The following BZW2 variants were observed in gnomAD, a reference collection of about 807,000 sequenced individuals.
BZW2 encodes basic leucine zipper and W2 domains 2.
A neutral mutation model predicts 53.2 loss-of-function variants in BZW2; 23 were observed. The ratio of observed to expected loss-of-function variants is 0.43; its 90% CI spans 0.31 to 0.61. BZW2 has a LOEUF of 0.61. Ranked by LOEUF, BZW2 falls within the 20% of genes least tolerant of loss-of-function variation. The pLI is 0.09. For synonymous variants in BZW2, 227 were observed against 186.4 expected (o/e 1.22, Z -1.77); for missense variants, 409 against 503.1 (o/e 0.81, Z 1.79).
intron 10 of BZW2, among the ~76,000 whole-genome samples, chr7:16,701,277 T>C (rs1414317167): frequency 1.3e-5 from 2 of 152,184 alleles, no homozygotes; most frequent in Non-Finnish European, 2.9e-5. Context: ...TCTTCTTTTT[T>C]CCCTGAAGAT....
chr7:16,680,373 C>T (rs1236496507), intron 3 of BZW2, among the ~76,000 whole-genome samples: 1 of 152,094 alleles, frequency 6.6e-6, no homozygotes, highest in African/African-American at 2.4e-5. Context: ...TTCTTTGCTT[C>T]CATGATTAAG....
At chr7:16,668,433 T>C (rs1411902782) in intron 2 of BZW2, among the ~76,000 whole-genome samples, 1 of 152,144 alleles carries the variant, frequency 6.6e-6, no homozygotes, top group Non-Finnish European at 1.5e-5. Context: ...ATAACTCATA[T>C]CTCTTGGGGA....
intron 3 of BZW2, among the ~76,000 whole-genome samples, chr7:16,676,468 A>C (rs1481730072): frequency 6.6e-6 from 1 of 152,152 alleles, no homozygotes; most frequent in Non-Finnish European, 1.5e-5. Context: ...GAATCTCTTG[A>C]ATCCAGGAAG....
intron 2 of BZW2, 145 bp downstream of exon 2, chr7:16,665,646 G>T: frequency 7.4e-7 from 1 of 1,356,712 alleles, no homozygotes; most frequent in Non-Finnish European, 1.0e-6. Flanking sequence ...GTGCTTTAGT[G>T]AAACCATAGA....
intron 2 of BZW2, among the ~76,000 whole-genome samples, chr7:16,669,285 C>T (rs1046460458): frequency 2.0e-5 from 3 of 152,162 alleles, no homozygotes; most frequent in Admixed American, 6.5e-5. Context: ...ACCACCACAC[C>T]CAGCTAAGTT....
intron 2 of BZW2, among the ~76,000 whole-genome samples, chr7:16,673,331 T>A (rs540012416): frequency 6.6e-6 from 1 of 152,312 alleles, no homozygotes; most frequent in Admixed American, 6.5e-5. Flanking sequence ...ATCAAAACCA[T>A]TTTTATAATG....
chr7:16,705,104 C>A (rs1783795692), intron 11 of BZW2, among the ~76,000 whole-genome samples: 1 of 152,128 alleles, frequency 6.6e-6, no homozygotes, highest in East Asian at 1.9e-4. Context: ...CACCTGTAAT[C>A]CCAGCACTTT....
At chr7:16,662,312 T>G (rs1782290923) in intron 1 of BZW2, 1 of 152,180 alleles carries the variant, frequency 6.6e-6, no homozygotes, top group African/African-American at 2.4e-5. Flanking sequence ...TTTGCATACA[T>G]TTTTATGTTT....
At chr7:16,654,426 A>T (rs1261071594) in intron 1 of BZW2, among the ~76,000 whole-genome samples, 1 of 152,110 alleles carries the variant, frequency 6.6e-6, no homozygotes. Context: ...CTCCAAGTCC[A>T]AATGCAAATC....
intron 8 of BZW2, 150 bp from the exon 9 acceptor site, chr7:16,696,765 C>A: frequency 1.3e-6 from 1 of 789,504 alleles, no homozygotes; most frequent in Non-Finnish European, 2.1e-6. Context: ...TTTTCTCCCT[C>A]TTCCAGTCTG....
In BZW2 at chr7:16,704,631, T is replaced by C. The variant is rs765901920; in HGVS notation, c.1193T>C (p.Met398Thr). Reference sequence around the variant, plus strand: ...GGCAAAAGTGTTTTTCTTGACCAGATGAAGAAATTTGTTGAGTGGTTACAA... The same window carrying C: ...GGCAAAAGTGTTTTTCTTGACCAGACGAAGAAATTTGTTGAGTGGTTACAA... ...AKGKSVFLDQ[M>T]KKFVEWLQNA... is the part of the protein sequence containing the mutation. Residue 398 changes from methionine to threonine, a missense_variant, in exon 11 of 12, where the codon ATG (methionine) becomes ACG (threonine). Met to Thr is a moderately conservative substitution (Grantham distance 81). Transcript: ENST00000258761. 5.0e-6 allele frequency: 8 copies of C among 1,592,664 alleles called. No individual in the cohort carries two copies. Among genetic ancestry groups the C allele is most frequent in the African/African-American group, 4.0e-5 (3 of 74,762 alleles).
intron 7 of BZW2, among the ~76,000 whole-genome samples, chr7:16,691,588 A>G (rs150671119): frequency 1.8e-3 from 278 of 152,306 alleles, no homozygotes; most frequent in African/African-American, 6.2e-3. Flanking sequence ...AAACTCACCT[A>G]TGGACGCTGC....
intron 8 of BZW2, among the ~76,000 whole-genome samples, chr7:16,695,648 GCTTT>G (rs973575113): frequency 3.5e-4 from 53 of 152,158 alleles, no homozygotes; most frequent in African/African-American, 1.2e-3. Context: ...TCTGGAGAGA[GCTTT>G]CTATTTGAAG....
chr7:16,670,860 T>A (rs1390902950), intron 2 of BZW2, among the ~76,000 whole-genome samples: 1 of 152,232 alleles, frequency 6.6e-6, no homozygotes, highest in Non-Finnish European at 1.5e-5. Context: ...CTCTTGTTCA[T>A]GATGAATATT....
At chr7:16,673,150 G>A (rs971953664) in intron 2 of BZW2, among the ~76,000 whole-genome samples, 1 of 151,990 alleles carries the variant, frequency 6.6e-6, no homozygotes, top group Non-Finnish European at 1.5e-5. Flanking sequence ...GTTTCACCAC[G>A]TTAGCCAGGA....
chr7:16,653,295 T>C (rs745776058), intron 1 of BZW2, among the ~76,000 whole-genome samples: 1 of 152,228 alleles, frequency 6.6e-6, no homozygotes, highest in African/African-American at 2.4e-5. Context: ...CTTTTTTTTC[T>C]GAAGATTTTA....
intron 3 of BZW2, among the ~76,000 whole-genome samples, chr7:16,674,925 A>G (rs980491601): frequency 4.6e-5 from 7 of 152,336 alleles, no homozygotes; most frequent in East Asian, 1.9e-4. Context: ...GCAAAATACT[A>G]TAACTTAGTG....
intron 10 of BZW2, among the ~76,000 whole-genome samples, chr7:16,699,067 C>T (rs894708585): frequency 4.0e-4 from 61 of 152,096 alleles, no homozygotes; most frequent in African/African-American, 1.4e-3. Context: ...TGCTTAATAG[C>T]ATTTCACAAT....
intron 2 of BZW2, among the ~76,000 whole-genome samples, chr7:16,668,411 A>G (rs992785782): frequency 6.6e-6 from 1 of 152,166 alleles, no homozygotes; most frequent in Non-Finnish European, 1.5e-5. Flanking sequence ...TTGCCAGTTG[A>G]TCTAGATTCA....
Sources: allele counts gnomAD v4.1 joint callset (sites outside exome capture counted in the v4.1 genomes callset), GRCh38; gene constraint gnomAD v4.1.1; transcripts MANE v1.5; gene names NCBI Gene and HGNC (gene_info 2026-07-23, HGNC 2026-07-21).